CELF2: variants seen among roughly 807,000 people sequenced by gnomAD.
The protein encoded by CELF2 is CUGBP Elav-like family member 2.
A neutral mutation model predicts 62.6 loss-of-function variants in CELF2; 8 were observed. The observed-to-expected ratio is 0.13, with a 90% CI of 0.07 to 0.23. The LOEUF (loss-of-function observed/expected upper bound fraction) is 0.23. CELF2 is among the 10% of genes least tolerant of loss of function. CELF2 has a pLI of 1.00. For synonymous variants in CELF2, 258 were observed against 250.0 expected (o/e 1.03, Z -0.30); for missense variants, 333 against 671.0 (o/e 0.50, Z 5.56).
At chr10:11,233,151 A>G (rs1426849261) in intron 3 of CELF2, among the ~76,000 whole-genome samples, 1 of 152,164 alleles carries the variant, frequency 6.6e-6, no homozygotes, top group Non-Finnish European at 1.5e-5. Context: ...CAGGCCCAAC[A>G]CTGATTTTTA....
the CELF2 span, among the ~76,000 whole-genome samples, chr10:10,687,883 G>C: frequency 6.6e-6 from 1 of 152,302 alleles, no homozygotes; most frequent in Non-Finnish European, 1.5e-5. Context: ...GAATGTCTGG[G>C]AATTTCTGCA....
the CELF2 span, among the ~76,000 whole-genome samples, chr10:10,522,211 A>G: frequency 5.9e-5 from 9 of 152,354 alleles, no homozygotes; most frequent in South Asian, 1.7e-3. Context: ...GAAGTATTCT[A>G]TGGAGTAATT....
intron 1 of CELF2, among the ~76,000 whole-genome samples, chr10:10,807,766 TTA>T (rs2055385519): frequency 2.0e-5 from 3 of 152,202 alleles, no homozygotes; most frequent in South Asian, 4.1e-4. Context: ...CCTTATCACT[TTA>T]CCAAGTCCAA....
chr10:10,533,801 A>G, the CELF2 span, among the ~76,000 whole-genome samples: 15 of 152,226 alleles, frequency 9.9e-5, no homozygotes, highest in Non-Finnish European at 2.2e-4. Flanking sequence ...CCAGGAAAAG[A>G]TTGACGGCAA....
chr10:10,569,985 G>A, the CELF2 span, among the ~76,000 whole-genome samples: 1 of 152,168 alleles, frequency 6.6e-6, no homozygotes, highest in African/African-American at 2.4e-5. Context: ...TTGGCAGAAT[G>A]TAAATTATAA....
Position 11,306,619 on chromosome 10 carries a change from C to A in CELF2, c.977-7520C>A, listed in dbSNP as rs2094227583. Among the ~76,000 whole-genome samples the A allele has an allele frequency of 6.6e-6, 1 of 152,316 alleles. No individual in the cohort carries two copies. The highest frequency in any genetic ancestry group is 2.1e-4 in the South Asian group (1 of 4,818). On this transcript the variant is annotated intron_variant, in intron 9 of 12. Coordinates refer to ENST00000633077, the MANE Select transcript of CELF2 (RefSeq NM_001326342.2). This position sits in a 1 kb window ranked among gnomAD's most constrained non-coding sequence, Gnocchi z 4.4. ...GTACAATAAAACTACCCTCTTACAA[C>A]TGAGATGCCAGTTGGGGTGAATTTT...
intron 1 of CELF2, among the ~76,000 whole-genome samples, chr10:10,906,295 C>T (rs1376993643): frequency 1.3e-5 from 2 of 152,088 alleles, no homozygotes; most frequent in East Asian, 3.9e-4. Context: ...TTTTAATTAT[C>T]CCCAACATAA....
At chr10:11,071,902 T>C (rs1333710298) in intron 1 of CELF2, among the ~76,000 whole-genome samples, 1 of 152,202 alleles carries the variant, frequency 6.6e-6, no homozygotes, top group Non-Finnish European at 1.5e-5. Context: ...TGGTGACATG[T>C]TTGGACATGT....
intron 2 of CELF2, among the ~76,000 whole-genome samples, chr10:11,182,703 A>C (rs1406789564): frequency 6.6e-6 from 1 of 152,174 alleles, no homozygotes; most frequent in Non-Finnish European, 1.5e-5. Context: ...TGCCCCTTTT[A>C]ATTAGACATT....
the CELF2 span, among the ~76,000 whole-genome samples, chr10:10,625,877 T>C: frequency 5.3e-5 from 8 of 152,302 alleles, no homozygotes; most frequent in South Asian, 1.0e-3. Context: ...TATGTTTCTT[T>C]GAATGCTGTG....
chr10:11,041,181 C>CG (rs2061781240), intron 1 of CELF2, among the ~76,000 whole-genome samples: 1 of 152,196 alleles, frequency 6.6e-6, no homozygotes, highest in African/African-American at 2.4e-5. Context: ...AATTCCATCA[C>CG]GGGAGCTCCG....
At chr10:10,584,028 T>C in the CELF2 span, among the ~76,000 whole-genome samples, 2 of 152,264 alleles carry the variant, frequency 1.3e-5, no homozygotes, top group South Asian at 4.2e-4. Flanking sequence ...GGGCTAAGGC[T>C]GTCTACTCCC....
chr10:11,136,413 C>G (rs1174112074), intron 1 of CELF2, among the ~76,000 whole-genome samples: 1 of 152,036 alleles, frequency 6.6e-6, no homozygotes, highest in African/African-American at 2.4e-5. Flanking sequence ...ACTGGCCTGC[C>G]CAACGTGGCG....
the CELF2 span, among the ~76,000 whole-genome samples, chr10:10,538,315 C>A: frequency 6.6e-6 from 1 of 152,166 alleles, no homozygotes; most frequent in East Asian, 1.9e-4. Flanking sequence ...AACCATAGGG[C>A]AAGAGAGCCC....
chr10:10,852,522 T>A (rs1220070120), intron 1 of CELF2, among the ~76,000 whole-genome samples: 1 of 152,162 alleles, frequency 6.6e-6, no homozygotes, highest in Non-Finnish European at 1.5e-5. Flanking sequence ...TTGTTGTGTA[T>A]CTTGACTGGG....
intron 8 of CELF2, among the ~76,000 whole-genome samples, chr10:11,276,099 CCTTT>C (rs2085987925): frequency 6.6e-6 from 1 of 152,024 alleles, no homozygotes; most frequent in Non-Finnish European, 1.5e-5. Context: ...TTTTTTTCTA[CCTTT>C]CTGTTTCTTT....
chr10:10,557,575 G>T, the CELF2 span, among the ~76,000 whole-genome samples: 133 of 151,622 alleles, frequency 8.8e-4, no homozygotes, highest in Middle Eastern at 6.8e-3. Flanking sequence ...GTGAAGAAAG[G>T]CATTGGTAGC....
chr10:11,323,424 A>AAATAATAATAATAAT (rs57666869), intron 11 of CELF2, among the ~76,000 whole-genome samples: 594 of 141,634 alleles, frequency 4.2e-3, no homozygotes, highest in East Asian at 0.024. Flanking sequence ...GGCAGAGCAA[A>AAATAATAATAATAAT]AATAATAATA....
the CELF2 span, among the ~76,000 whole-genome samples, chr10:10,671,011 A>G: frequency 6.6e-6 from 1 of 152,058 alleles, no homozygotes; most frequent in Non-Finnish European, 1.5e-5. Context: ...TACAAAAAAT[A>G]AAAACATTAG....
Sources: allele counts gnomAD v4.1 joint callset (sites outside exome capture counted in the v4.1 genomes callset), GRCh38; gene constraint gnomAD v4.1.1; non-coding constraint Gnocchi (gnomAD v3.1); transcripts MANE v1.5; gene names NCBI Gene and HGNC (gene_info 2026-07-23, HGNC 2026-07-21).